The following COLEC10 variants were observed in gnomAD, a reference collection of about 807,000 sequenced individuals.
The protein encoded by COLEC10 is collectin subfamily member 10.
A neutral mutation model predicts 28.4 loss-of-function variants in COLEC10; 22 were observed. That is an observed-to-expected ratio of 0.78 (90% CI 0.55 to 1.11). The LOEUF (loss-of-function observed/expected upper bound fraction) is 1.11, where lower values mean the gene tolerates loss of function less well. Among genes scored for constraint, COLEC10 ranks in the 50% least tolerant of loss-of-function variants. COLEC10 has a pLI of 0.00. For missense variants in COLEC10, 361 were observed against 344.1 expected (o/e 1.05, Z -0.39); for synonymous variants, 125 against 116.1 (o/e 1.08, Z -0.49).
the COLEC10 span, among the ~76,000 whole-genome samples, chr8:118,983,121 A>T: frequency 1.3e-5 from 2 of 152,172 alleles, no homozygotes; most frequent in Non-Finnish European, 2.9e-5. Context: ...CTCTGAACTT[A>T]GCAGTATTTT....
At chr8:119,105,477 T>C (rs556373946) in intron 5 of COLEC10, among the ~76,000 whole-genome samples, 16 of 152,222 alleles carry the variant, frequency 1.1e-4, no homozygotes, top group African/African-American at 3.9e-4. Flanking sequence ...GCCACCAGTA[T>C]AGCTAAAGCA....
At chr8:119,017,527 G>T (rs1308424676) in intron 2 of COLEC10, among the ~76,000 whole-genome samples, 2 of 152,228 alleles carry the variant, frequency 1.3e-5, no homozygotes, top group East Asian at 3.9e-4. Context: ...GAGTGCAAGG[G>T]TTGACTAGCC....
chr8:119,033,595 A>G (rs897018861), intron 2 of COLEC10, among the ~76,000 whole-genome samples: 2 of 152,200 alleles, frequency 1.3e-5, no homozygotes, highest in African/African-American at 4.8e-5. Context: ...ATTAACAGAC[A>G]CTTCTCAAAA....
At chr8:119,041,776 T>C (rs982183243) in intron 2 of COLEC10, among the ~76,000 whole-genome samples, 1 of 152,180 alleles carries the variant, frequency 6.6e-6, no homozygotes, top group African/African-American at 2.4e-5. Flanking sequence ...GTGAGTGCTT[T>C]ATGGAAAGAC....
intron 2 of COLEC10, among the ~76,000 whole-genome samples, chr8:119,044,400 T>G (rs2130161833): frequency 6.6e-6 from 1 of 152,344 alleles, no homozygotes. Flanking sequence ...GGACCAAAGA[T>G]GAGCTAGCTT....
Position 119,105,934 on chromosome 8 carries a change from A to G in COLEC10, c.577A>G (p.Thr193Ala). The G allele has an allele frequency of 6.2e-7, 1 of 1,613,830 alleles. No homozygotes were observed. Among genetic ancestry groups the G allele is most frequent in the South Asian group, 1.1e-5 (1 of 91,070 alleles). The stretch of plus-strand genomic sequence containing the variant: ...CATGCCCAAGGATGAAGCTGCCAAC[A>G]CACTCATCGCTGACTATGTTGCCAA... ...LAMPKDEAAN[T>A]LIADYVAKSG... Residue 193 changes from threonine (T) to alanine (A), a missense_variant, in exon 6 of 6, where the codon ACA becomes GCA. Physicochemically the swap from Thr to Ala is moderately conservative, Grantham distance 58. Coordinates refer to ENST00000332843, the MANE Select transcript of COLEC10 (RefSeq NM_006438.5).
intron 1 of COLEC10, among the ~76,000 whole-genome samples, chr8:119,088,120 C>G (rs536854567): frequency 1.4e-5 from 2 of 146,640 alleles, no homozygotes; most frequent in Admixed American, 1.4e-4. Context: ...GAGAAAGACA[C>G]TGTCAGAAAG....
the COLEC10 span, among the ~76,000 whole-genome samples, chr8:118,987,512 C>T: frequency 2.6e-5 from 4 of 152,160 alleles, no homozygotes; most frequent in South Asian, 6.2e-4. Context: ...TGCAGTGAGC[C>T]GAGATCGCAC....
At position 119,076,264 on chromosome 8, in the gene COLEC10, T is replaced by A. The variant is rs1213966537; in HGVS notation, c.148+8835T>A. On this transcript the variant is annotated intron_variant, in intron 1 of 5. Coordinates refer to ENST00000332843, the MANE Select transcript of COLEC10 (RefSeq NM_006438.5). ...AGATGTGCTGAGGACACAAAATTCT[T>A]TTTTTTTTTTTTTTGAGACGGAGTT... 8.3e-4 allele frequency among the ~76,000 whole-genome samples: 11 copies of A among 13,306 alleles called. No homozygotes were observed. In the African/African-American group the frequency reaches 0.022, roughly 27 times the overall value. 8.7% of individuals were successfully genotyped at this position (13,306 alleles called of 152,430 possible).
intron 1 of COLEC10, among the ~76,000 whole-genome samples, chr8:119,086,002 A>G (rs767567940): frequency 1.2e-4 from 18 of 152,158 alleles, no homozygotes; most frequent in Non-Finnish European, 2.2e-4. Context: ...ACAAAGGGAA[A>G]AGGATTTTAA....
intron 1 of COLEC10, 81 bp from the exon 2 acceptor site, chr8:119,089,599 C>A: frequency 9.0e-7 from 1 of 1,112,948 alleles, no homozygotes; most frequent in South Asian, 1.3e-5. Context: ...AAGATTGTAA[C>A]CATGTCCACC....
intron 4 of COLEC10, chr8:119,102,614 C>T (rs967932197): frequency 7.7e-5 from 36 of 464,738 alleles, no homozygotes; most frequent in Middle Eastern, 1.1e-3. Context: ...ACGTTTCATC[C>T]CTGCCATGCT....
chr8:119,006,623 A>G (rs1813803555), intron 1 of COLEC10, among the ~76,000 whole-genome samples: 1 of 151,964 alleles, frequency 6.6e-6, no homozygotes, highest in African/African-American at 2.4e-5. Context: ...TTCTTTCTGG[A>G]TCCTGGGCCC....
At chr8:118,995,698 A>C (rs1320720233) in intron 1 of COLEC10, 1 of 152,116 alleles carries the variant, frequency 6.6e-6, no homozygotes, top group Non-Finnish European at 1.5e-5. Context: ...AGTTTGGTAG[A>C]GTAACACAAG....
intron 5 of COLEC10, among the ~76,000 whole-genome samples, chr8:119,104,133 G>A (rs1438521025): frequency 6.6e-6 from 1 of 152,060 alleles, no homozygotes; most frequent in African/African-American, 2.4e-5. Context: ...GACTTTCTTA[G>A]GTGAGGGGAA....
chr8:118,973,228 A>G, the COLEC10 span, among the ~76,000 whole-genome samples: 2 of 152,018 alleles, frequency 1.3e-5, no homozygotes, highest in Non-Finnish European at 2.9e-5. Flanking sequence ...GTATTAATGC[A>G]TAATAGTTCA....
chr8:119,002,978 G>GT (rs1042090650), intron 1 of COLEC10, among the ~76,000 whole-genome samples: 5 of 152,086 alleles, frequency 3.3e-5, no homozygotes, highest in African/African-American at 1.2e-4. Context: ...TCATATTTAA[G>GT]TTTTTTCTCC....
At chr8:119,081,329 AT>A (rs1479156392) in intron 1 of COLEC10, among the ~76,000 whole-genome samples, 6 of 152,102 alleles carry the variant, frequency 3.9e-5, no homozygotes. Context: ...TTCATCTATT[AT>A]TTATTGCTTA....
In COLEC10 at chr8:119,020,198, G is replaced by A. The variant is rs142589309; in HGVS notation, n.235+10645G>A. On this transcript the variant is annotated intron_variant and non_coding_transcript_variant, in intron 2 of 6. Transcript: ENST00000521788. ...TTTCTGCTGCTCTGCCTCATTCTAC[G>A]TTCCCTAGGGCCTAGTATATTGCTT... is the stretch of plus-strand genomic sequence containing the variant. Among the ~76,000 whole-genome samples, 13 of 152,118 alleles carry A rather than the reference G, an allele frequency of 8.5e-5. No homozygotes were observed. The East Asian group carries it at 1.4e-3, about 16-fold the overall frequency.
Sources: gnomAD v4.1 joint callset for allele counts (sites outside exome capture counted in the v4.1 genomes callset) on GRCh38, gnomAD v4.1.1 for gene constraint, MANE v1.5 for transcripts, NCBI Gene and HGNC (gene_info 2026-07-23, HGNC 2026-07-21) for gene names.